PKD1: variants seen among roughly 807,000 people sequenced by gnomAD.
PKD1 encodes the protein polycystin 1, transient receptor potential channel interacting.
Under a neutral mutation model 361.7 loss-of-function variants are expected in PKD1, and 81 were observed. The observed-to-expected ratio is 0.22, with a 90% CI of 0.19 to 0.27. PKD1 has a LOEUF of 0.27. Ranked by LOEUF, PKD1 falls within the 10% of genes least tolerant of loss-of-function variation. The pLI is 1.00. For missense variants in PKD1, 6,399 were observed against 6,118.3 expected, an observed-to-expected ratio of 1.05 and a Z score of -1.53; for synonymous variants, 3,615 against 2,818.3, an observed-to-expected ratio of 1.28 and a Z score of -8.95.
In PKD1 at chr16:2,106,429, G is replaced by A. The variant is rs2887405; in HGVS notation, c.7458C>T (p.Ala2486=). The change falls in exon 18 of 46, where the codon GCC becomes GCT. Residue 2486 remains alanine (A), a synonymous_variant. Transcript: ENST00000262304. The surrounding 1 kb of genome is among the most constrained non-coding windows in gnomAD (Gnocchi z 6.5). ...ATTCGAAGTGCACCTTGGTGGTGAGGGCGTGCACAGCGCCCAGTGGGAAGA... is the reference window on the plus strand; with the variant it reads ...ATTCGAAGTGCACCTTGGTGGTGAGAGCGTGCACAGCGCCCAGTGGGAAGA... ...CRLFPLGAVH[A]LTTKVHFECT... is the part of the protein sequence containing the mutation. 13 of 1,589,084 alleles carry A rather than the reference G, an allele frequency of 8.2e-6. No individual in the cohort carries two copies. In the East Asian group the frequency reaches 9.1e-5, roughly 11 times the overall value.
At position 2,103,849 on chromosome 16, in the gene PKD1, G is replaced by C. The variant is rs1443421456; in HGVS notation, c.8208C>G (p.Pro2736=). The C allele has an allele frequency of 6.2e-7, 1 of 1,606,566 alleles. No homozygotes were observed. The highest frequency in any genetic ancestry group is 8.5e-7 in the Non-Finnish European group (1 of 1,178,628). ...ATGGTGACTCGGCTCCCAGCTCTGA[G>C]GGCTGTGGTGCCCGCACGTCCGAGC... ...LASSDVRAPQ[P]SELGAESPSR... Residue 2736 remains proline, a synonymous_variant, in exon 23 of 46, where the codon CCC becomes CCG. Transcript: ENST00000262304.
rs943951824 is a variant in PKD1, at chr16:2,118,950, C to A, written c.360-105G>T. On this transcript the variant is annotated intron_variant, in intron 3 of 45. Coordinates refer to ENST00000262304, the MANE Select transcript of PKD1 (RefSeq NM_001009944.3). The surrounding 1 kb of genome is among the most constrained non-coding windows in gnomAD (Gnocchi z 6.0). ...GGAGCCACCCTGACAGCACCGCCTCCCCTGCCCCAACCAAGCCGGCACTGG... is the reference window on the plus strand; with the variant it reads ...GGAGCCACCCTGACAGCACCGCCTCACCTGCCCCAACCAAGCCGGCACTGG... 18 of 741,622 alleles carry A rather than the reference C, an allele frequency of 2.4e-5. No individual in the cohort carries two copies. The Middle Eastern group carries it at 1.1e-3, about 46-fold the overall frequency. 45.9% of individuals were successfully genotyped at this position (741,622 alleles called of 1,614,324 possible).
rs766060382 is a variant in PKD1 at position 2,110,818 on chromosome 16, T to C, written c.4349A>G (p.Asn1450Ser). Residue 1450 changes from asparagine (N) to serine (S), a missense_variant, in exon 15 of 46, where the codon AAC becomes AGC. Transcript: ENST00000262304. ...SYLVTVTASNNISAANDSALV... is the reference protein window; with the variant it reads ...SYLVTVTASNSISAANDSALV... ...GGCTGAGTCATTGGCAGCAGAGATGTTGTTGGACGCGGTGACTGTCACAAG... is the reference window on the plus strand; with the variant it reads ...GGCTGAGTCATTGGCAGCAGAGATGCTGTTGGACGCGGTGACTGTCACAAG... 5.0e-6 allele frequency: 8 copies of C among 1,611,436 alleles called. No individual in the cohort carries two copies. Among genetic ancestry groups the C allele is most frequent in the South Asian group, 4.4e-5 (4 of 91,026 alleles).
chr16:2,112,040 G>A (rs2092524733), intron 14 of PKD1, among the ~76,000 whole-genome samples, 169 bp from the exon 15 acceptor site: 1 of 152,222 alleles, frequency 6.6e-6, no homozygotes, highest in African/African-American at 2.4e-5. Context: ...AGGTGTAGCA[G>A]CACTGAGGGC....
Position 2,097,133 on chromosome 16 carries a change from G to A in PKD1, c.10499+15C>T, listed in dbSNP as rs1316715765. The A allele has an allele frequency of 2.7e-6, 4 of 1,468,912 alleles. No individual in the cohort carries two copies. Among genetic ancestry groups the A allele is most frequent in the South Asian group, 2.4e-5 (2 of 83,162 alleles). 91.0% of individuals were successfully genotyped at this position (1,468,912 alleles called of 1,614,324 possible). A position where few individuals can be genotyped will look rare whatever the true frequency, so the allele number is the denominator to read the frequency against. ...CCTCTGGCAATCCCCCCTCCCCCGA[G>A]AGCCGGACACTCACAGGCTGCTGAG... On this transcript the variant is annotated intron_variant, in intron 34 of 45. Transcript: ENST00000262304.
Position 2,097,523 on chromosome 16 carries a change from G to C in PKD1, c.10221-20C>G, listed in dbSNP as rs763126992. On this transcript the variant is annotated intron_variant, in intron 32 of 45. Transcript: ENST00000262304. ...ACCAGACTGCAGGTGGCGCGGGTCAGCAAGGTACCAGGGGATGTGTCACAC... is the reference window on the plus strand; with the variant it reads ...ACCAGACTGCAGGTGGCGCGGGTCACCAAGGTACCAGGGGATGTGTCACAC... The C allele has an allele frequency of 5.0e-6, 8 of 1,601,734 alleles. No homozygotes were observed. In the East Asian group the frequency reaches 1.8e-4, roughly 36 times the overall value.
At position 2,102,515 on chromosome 16, in the gene PKD1, T is replaced by A. The variant is rs17135779; in HGVS notation, c.9067A>T (p.Met3023Leu). Residue 3023 changes from methionine to leucine, a missense_variant, in exon 25 of 46, where the codon ATG becomes TTG. Physicochemically the swap from Met to Leu is conservative, Grantham distance 15. Coordinates refer to ENST00000262304, the MANE Select transcript of PKD1 (RefSeq NM_001009944.3). ...SLCQYFSEED[M>L]VWRTEGLLPL... ...AGCAGCCCCTCTGTCCGCCACACCA[T>A]GTCCTCCTCGCTGAAGTACTGGCAC... is the stretch of plus-strand genomic sequence containing the variant. 2 of 1,602,396 alleles carry A rather than the reference T, an allele frequency of 1.2e-6. No homozygotes were observed. Among genetic ancestry groups the A allele is most frequent in the African/African-American group, 1.3e-5 (1 of 74,556 alleles).
At position 2,105,452 on chromosome 16, in the gene PKD1, G is replaced by T; in HGVS notation, c.7886C>A (p.Ala2629Glu). Residue 2629 changes from alanine to glutamate, a missense_variant, in exon 21 of 46, where the codon GCG (alanine) becomes GAG (glutamate). Transcript: ENST00000262304. ...LNEYERALDVAAEPKHERQHR... is the reference protein window; with the variant it reads ...LNEYERALDVEAEPKHERQHR... ...CTGCCGCTCGTGCTTGGGCTCTGCC[G>T]CCACGTCCAGGGCCCGCTCGTACTG... 6.3e-7 allele frequency: 1 copy of T among 1,593,712 alleles called. No homozygotes were observed. The highest frequency in any genetic ancestry group is 8.5e-7 in the Non-Finnish European group (1 of 1,178,076).
In PKD1 at chr16:2,114,309, C is replaced by G; in HGVS notation, c.2714G>C (p.Gly905Ala). ...CACCACCACGTCCACCACGTGCTCC[C>G]CCTCACTGAGCCACGGCAGTGCTAC... Reference protein sequence around the residue: ...SVVALPWLSEGEHVVDVVVEN... With the variant: ...SVVALPWLSEAEHVVDVVVEN... The change falls in exon 11 of 46, where the codon GGG becomes GCG. Residue 905 changes from glycine to alanine, a missense_variant. Physicochemically the swap from Gly to Ala is moderately conservative, Grantham distance 60 (BLOSUM62 0). Coordinates refer to ENST00000262304, the MANE Select transcript of PKD1 (RefSeq NM_001009944.3). The G allele has an allele frequency of 6.2e-7, 1 of 1,610,578 alleles. No homozygotes were observed. Among genetic ancestry groups the G allele is most frequent in the Non-Finnish European group, 8.5e-7 (1 of 1,179,714 alleles).
In PKD1 at chr16:2,092,016, C is replaced by G. The variant is rs760310609; in HGVS notation, c.11411+31G>C. ...TGGAGAACTACTCCCTTGTCCTTGG[C>G]GTAGACGCCCGGGGCCCTCGCTCTG... On this transcript the variant is annotated intron_variant, in intron 40 of 45. Transcript: ENST00000262304. 17 of 1,612,432 alleles carry G rather than the reference C, an allele frequency of 1.1e-5. No homozygotes were observed. In the East Asian group the frequency reaches 3.1e-4, roughly 30 times the overall value.
Position 2,090,071 on chromosome 16 carries a change from A to T in PKD1, c.12568T>A (p.Ser4190Thr), listed in dbSNP as rs755743579. The change falls in exon 46 of 46, where the codon TCC becomes ACC. Residue 4190 changes from serine (S) to threonine (T), a missense_variant. By Grantham distance (58) the Ser-to-Thr change is moderately conservative. Transcript: ENST00000262304. ...CTCAGCCCATCCAGCTGGCTGGAGG[A>T]GGTGGAGGGGTGCGAGGCATCGGAG... ...AGSDASHPST[S>T]SSQLDGLSVS... The T allele has an allele frequency of 1.7e-5, 27 of 1,610,444 alleles. No individual in the cohort carries two copies. Among genetic ancestry groups the T allele is most frequent in the African/African-American group, 1.1e-4 (8 of 74,846 alleles).
rs1237432649 is a variant in PKD1 at position 2,135,772 on chromosome 16, G to C, written c.-83C>G. On this transcript the variant is annotated 5_prime_UTR_variant, in exon 1 of 46. Transcript: ENST00000262304. ...CGCAGCTCAGGCGGGGCCCGCGGAC[G>C]GCATGGCGGGCGCGGGGCTGGATGG... 5.4e-6 allele frequency: 5 copies of C among 927,380 alleles called. No homozygotes were observed. The East Asian group carries it at 5.9e-4, about 110-fold the overall frequency. The allele number at this position is 927,380 out of a possible 1,614,324, so 57.4% of individuals were successfully genotyped here.
In PKD1 at chr16:2,100,227, G is replaced by A. The variant is rs562915885; in HGVS notation, c.9651C>T (p.Asp3217=). The change falls in exon 28 of 46, where the codon GAC becomes GAT. Residue 3217 remains aspartate (D), a synonymous_variant. Transcript: ENST00000262304. The surrounding 1 kb of genome is among the most constrained non-coding windows in gnomAD (Gnocchi z 4.4). ...TGGCCTCCGTCTCCACCGAAAGCCA[G>A]TCATTGACCAGGAAGAAGGCGCTGC... ...TARSAFFLVN[D]WLSVETEANG... The A allele has an allele frequency of 9.9e-6, 16 of 1,610,502 alleles. No individual in the cohort carries two copies. The highest frequency in any genetic ancestry group is 8.3e-5 in the Admixed American group (5 of 60,018).
chr16:2,127,070 G>A (rs959583910), intron 1 of PKD1, among the ~76,000 whole-genome samples: 1 of 152,090 alleles, frequency 6.6e-6, no homozygotes, highest in East Asian at 1.9e-4. Flanking sequence ...AGAAAGCCGG[G>A]AAGGGGGACG....
rs568078250 is a variant in PKD1, at chr16:2,089,298, G to C, written c.*429C>G. ...ATAAATTACTGACACGAGACACACA[G>C]TGAGACGGTGCAGGGAGTACGGTAG... On this transcript the variant is annotated 3_prime_UTR_variant, in exon 46 of 46. Transcript: ENST00000262304. The C allele has an allele frequency of 4.2e-6, 1 of 236,962 alleles. No individual in the cohort carries two copies. Among genetic ancestry groups the C allele is most frequent in the Non-Finnish European group, 8.2e-6 (1 of 121,866 alleles). 14.7% of individuals were successfully genotyped at this position (236,962 alleles called of 1,614,324 possible).
At position 2,116,039 on chromosome 16, in the gene PKD1, C is replaced by T. The variant is rs1418644835; in HGVS notation, c.1802G>A (p.Arg601Gln). 30 of 1,537,816 alleles carry T rather than the reference C, an allele frequency of 2.0e-5. No individual in the cohort carries two copies. Among genetic ancestry groups the T allele is most frequent in the East Asian group, 2.4e-5 (1 of 40,978 alleles). The change falls in exon 9 of 46, where the codon CGG becomes CAG. Residue 601 changes from arginine (R) to glutamine (Q), a missense_variant. Transcript: ENST00000262304. ...TAEFGTQELR[R>Q]PAQLRLQVYR... is the part of the protein sequence containing the mutation. Reference sequence around the variant, plus strand: ...CACCTGCAGCCGCAGCTGGGCGGGCCGCCGGAGCTCCTGGGTCCCAAATTC... The same window carrying T: ...CACCTGCAGCCGCAGCTGGGCGGGCTGCCGGAGCTCCTGGGTCCCAAATTC...
Position 2,112,889 on chromosome 16 carries a change from C to G in PKD1, c.3060G>C (p.Gln1020His). 2 of 1,607,198 alleles carry G rather than the reference C, an allele frequency of 1.2e-6. No individual in the cohort carries two copies. The highest frequency in any genetic ancestry group is 8.5e-7 in the Non-Finnish European group (1 of 1,179,740). Reference protein sequence around the residue: ...NVTVERMNRMQGLQVSTVPAV... With the variant: ...NVTVERMNRMHGLQVSTVPAV... Reference sequence around the variant, plus strand: ...CCGGCACTGTGGAGACCTGCAGACCCTGCATCCTGTTCATCCGCTCCACGG... The same window carrying G: ...CCGGCACTGTGGAGACCTGCAGACCGTGCATCCTGTTCATCCGCTCCACGG... Residue 1020 changes from glutamine (Q) to histidine (H), a missense_variant, in exon 13 of 46, where the codon CAG (glutamine) becomes CAC (histidine). Coordinates refer to ENST00000262304, the MANE Select transcript of PKD1 (RefSeq NM_001009944.3).
intron 34 of PKD1, 101 bp from the exon 35 acceptor site, chr16:2,094,311 T>C (rs1277562079): frequency 1.3e-6 from 1 of 759,454 alleles, no homozygotes; most frequent in Non-Finnish European, 2.3e-6. Context: ...GCCTCTTGGG[T>C]CACAGGGTCC....
intron 1 of PKD1, among the ~76,000 whole-genome samples, chr16:2,120,496 GT>G (rs2092703838): frequency 6.6e-6 from 1 of 152,154 alleles, no homozygotes. Context: ...AAGGCCAGGA[GT>G]TTGAGACCAG....
Sources: gnomAD v4.1 joint callset for allele counts (sites outside exome capture counted in the v4.1 genomes callset) on GRCh38, gnomAD v4.1.1 for gene constraint, Gnocchi (gnomAD v3.1) non-coding constraint, MANE v1.5 for transcripts, NCBI Gene and HGNC (gene_info 2026-07-23, HGNC 2026-07-21) for gene names.